Variants in CADM1 observed in about 807,000 individuals in gnomAD.
CADM1 encodes cell adhesion molecule 1.
Under a neutral mutation model 53.1 loss-of-function variants are expected in CADM1, and 15 were observed. The observed-to-expected ratio is 0.28, with a 90% CI of 0.19 to 0.44. The LOEUF (loss-of-function observed/expected upper bound fraction) is 0.44. CADM1 is among the 20% of genes least tolerant of loss of function. The pLI is 1.00. For missense variants in CADM1, 434 were observed against 611.3 expected (o/e 0.71, Z 3.06); for synonymous variants, 281 against 243.0 (o/e 1.16, Z -1.45).
At chr11:115,242,271 C>G (rs1448852055) in intron 1 of CADM1, among the ~76,000 whole-genome samples, 2 of 150,226 alleles carry the variant, frequency 1.3e-5, no homozygotes, top group Non-Finnish European at 1.5e-5. Flanking sequence ...AAAGCTTGAT[C>G]CAGCAGTGGA....
intron 1 of CADM1, among the ~76,000 whole-genome samples, chr11:115,471,829 G>A (rs1008338036): frequency 6.6e-6 from 1 of 152,204 alleles, no homozygotes; most frequent in Non-Finnish European, 1.5e-5. Flanking sequence ...GGAGAAGGAA[G>A]ACACCATGGA....
intron 1 of CADM1, among the ~76,000 whole-genome samples, chr11:115,311,980 TA>T (rs1944543829): frequency 6.6e-6 from 1 of 152,168 alleles, no homozygotes; most frequent in Non-Finnish European, 1.5e-5. Context: ...ATGTATTTAA[TA>T]TGTTTCTTCA....
Position 115,190,937 on chromosome 11 carries a change from A to T in CADM1, c.1116T>A (p.Leu372=), listed in dbSNP as rs1462854004. ...TATTEPAVHG[L]TQLPNSAEEL... is the part of the protein sequence containing the mutation. ...CTTCTGCGGAATTGGGCAACTGAGT[A>T]AGGCCTTACAAGTAAAAACAAATCG... is the stretch of plus-strand genomic sequence containing the variant. The change falls in exon 10 of 12, where the codon CTT becomes CTA. Residue 372 remains leucine, a synonymous_variant. Coordinates refer to ENST00000331581, the MANE Select transcript of CADM1 (RefSeq NM_001301043.2). The T allele has an allele frequency of 2.5e-6, 4 of 1,591,438 alleles. No homozygotes were observed. In the South Asian group the frequency reaches 4.5e-5, roughly 18 times the overall value.
At chr11:115,198,488 G>GTTGGTATCA in intron 8 of CADM1, 50 bp from the exon 9 acceptor site, 1 of 1,518,788 alleles carries the variant, frequency 6.6e-7, no homozygotes, top group Non-Finnish European at 9.0e-7. Flanking sequence ...AGGAGGAACG[G>GTTGGTATCA]CATGCAAAAA....
rs997798362 is a variant in CADM1, at chr11:115,175,023, C to T, written c.*1451G>A. The T allele has an allele frequency of 2.3e-5, 23 of 985,670 alleles. No homozygotes were observed. Among genetic ancestry groups the T allele is most frequent in the Non-Finnish European group, 2.5e-5 (21 of 829,922 alleles). 61.1% of individuals were successfully genotyped at this position (985,670 alleles called of 1,614,324 possible). A position where few individuals can be genotyped will look rare whatever the true frequency, so the allele number is the denominator to read the frequency against. ...GCTATGCACTATGGCTGCCATCATG[C>T]GAGGATCAGTAATTTTTGGCAGATG... On this transcript the variant is annotated 3_prime_UTR_variant, in exon 12 of 12. Transcript: ENST00000331581.
intron 1 of CADM1, among the ~76,000 whole-genome samples, chr11:115,286,548 T>C (rs888577452): frequency 4.6e-5 from 7 of 152,196 alleles, no homozygotes; most frequent in African/African-American, 1.2e-4. Context: ...CTCAAAGTAA[T>C]ACTATTTTTA....
chr11:115,204,886 T>C (rs1416594885), intron 8 of CADM1, among the ~76,000 whole-genome samples: 1 of 152,172 alleles, frequency 6.6e-6, no homozygotes, highest in Non-Finnish European at 1.5e-5. Context: ...ACAAGCTATA[T>C]TGGTTTTTGA....
intron 9 of CADM1, among the ~76,000 whole-genome samples, chr11:115,195,512 G>T (rs1940102350): frequency 6.6e-6 from 1 of 152,178 alleles, no homozygotes; most frequent in Non-Finnish European, 1.5e-5. Context: ...TTGACTTAAT[G>T]TCTTGTCATT....
chr11:115,463,411 C>T (rs1385512737), intron 1 of CADM1, among the ~76,000 whole-genome samples: 1 of 152,176 alleles, frequency 6.6e-6, no homozygotes, highest in African/African-American at 2.4e-5. Context: ...AGGTGCCATT[C>T]ACCTCTGGTT....
intron 1 of CADM1, among the ~76,000 whole-genome samples, chr11:115,249,764 T>C (rs1253465352): frequency 1.3e-5 from 2 of 152,176 alleles, no homozygotes; most frequent in African/African-American, 4.8e-5. Flanking sequence ...TGGCTTTCCC[T>C]AACCAAATTA....
At chr11:115,217,321 C>T (rs566448660) in intron 6 of CADM1, among the ~76,000 whole-genome samples, 1 of 152,082 alleles carries the variant, frequency 6.6e-6, no homozygotes, top group Non-Finnish European at 1.5e-5. Flanking sequence ...GTTGTTTCTT[C>T]TTTTTCTCTT....
chr11:115,296,880 C>G (rs1270676248), intron 1 of CADM1, among the ~76,000 whole-genome samples: 1 of 152,194 alleles, frequency 6.6e-6, no homozygotes, highest in Non-Finnish European at 1.5e-5. Flanking sequence ...GAATCACACA[C>G]AGTCCTATAC....
intron 1 of CADM1, among the ~76,000 whole-genome samples, chr11:115,418,928 G>C (rs1055170203): frequency 2.5e-4 from 38 of 152,134 alleles, no homozygotes; most frequent in Non-Finnish European, 7.4e-5. Context: ...AGAGCCCATT[G>C]AATCATAATT....
At chr11:115,317,983 T>TACAC (rs35753948) in intron 1 of CADM1, among the ~76,000 whole-genome samples, 14,415 of 149,102 alleles carry the variant, frequency 0.097, 730 homozygotes, top group Middle Eastern at 0.12. Context: ...TATTACACAC[T>TACAC]ACACACACAC....
intron 5 of CADM1, among the ~76,000 whole-genome samples, chr11:115,220,387 C>A (rs1424796775): frequency 6.6e-6 from 1 of 152,106 alleles, no homozygotes; most frequent in Non-Finnish European, 1.5e-5. Flanking sequence ...TTGGGAAGAA[C>A]AAGCTAAGGA....
chr11:115,366,240 A>C (rs1245475176), intron 1 of CADM1, among the ~76,000 whole-genome samples: 1 of 152,236 alleles, frequency 6.6e-6, no homozygotes, highest in Non-Finnish European at 1.5e-5. Context: ...AGGTGAACAA[A>C]AAGACTTGCT....
intron 1 of CADM1, chr11:115,377,962 G>A (rs1355582924): frequency 6.6e-6 from 1 of 152,120 alleles, no homozygotes; most frequent in African/African-American, 2.4e-5. Flanking sequence ...ATGATTCATT[G>A]TACTGTAAAT....
chr11:115,487,744 G>A (rs979392466), intron 1 of CADM1, among the ~76,000 whole-genome samples: 1 of 152,130 alleles, frequency 6.6e-6, no homozygotes, highest in African/African-American at 2.4e-5. Flanking sequence ...CAATCCTGCC[G>A]ACAGGCCTAC....
chr11:115,256,952 C>T lies in CADM1; in HGVS notation c.125-16532G>A, dbSNP rs528501600. 3.4e-4 allele frequency: 155 copies of T among 454,896 alleles called. 4 individuals carry two copies. The highest frequency in any genetic ancestry group is 2.4e-3 in the South Asian group (154 of 64,474). The allele number at this position is 454,896 out of a possible 1,614,324, so 28.2% of individuals were successfully genotyped here. On this transcript the variant is annotated intron_variant, in intron 1 of 11. Coordinates refer to ENST00000331581, the MANE Select transcript of CADM1 (RefSeq NM_001301043.2). Reference sequence around the variant, plus strand: ...CTGAATTTTGGTCTCTTAAAAAAGTCGTTAGGTTTATGGGCAGTCATGCTT... The same window carrying T: ...CTGAATTTTGGTCTCTTAAAAAAGTTGTTAGGTTTATGGGCAGTCATGCTT...
Sources: allele counts gnomAD v4.1 joint callset (sites outside exome capture counted in the v4.1 genomes callset), GRCh38; gene constraint gnomAD v4.1.1; transcripts MANE v1.5; gene names NCBI Gene and HGNC (gene_info 2026-07-23, HGNC 2026-07-21).